UNC13C: variants seen among roughly 807,000 people sequenced by gnomAD.
UNC13C encodes protein unc-13 homolog C.
UNC13C carries 174 observed loss-of-function variants against 245.4 expected under a neutral mutation model. The observed-to-expected ratio is 0.71, with a 90% CI of 0.63 to 0.80. The LOEUF is 0.80. UNC13C is among the 30% of genes least tolerant of loss of function. The pLI, the probability that UNC13C is intolerant of heterozygous loss-of-function variation, is 0.00. For missense variants in UNC13C, 2,829 were observed against 2,602.9 expected (o/e 1.09, Z -1.89); for synonymous variants, 992 against 895.1 (o/e 1.11, Z -1.93).
At chr15:54,592,544 A>C (rs11071092) in intron 30 of UNC13C, among the ~76,000 whole-genome samples, 2 of 152,114 alleles carry the variant, frequency 1.3e-5, no homozygotes, top group South Asian at 2.1e-4. Flanking sequence ...TTACCATTCT[A>C]TACTGTCCCT....
chr15:54,559,801 C>T (rs377601097), intron 29 of UNC13C, among the ~76,000 whole-genome samples: 15 of 151,930 alleles, frequency 9.9e-5, no homozygotes, highest in Middle Eastern at 3.4e-3. Context: ...AGGCATTGGC[C>T]GGCATGAAAA....
At chr15:54,472,416 G>T (rs1412889108) in intron 19 of UNC13C, among the ~76,000 whole-genome samples, 1 of 151,580 alleles carries the variant, frequency 6.6e-6, no homozygotes, top group Non-Finnish European at 1.5e-5. Flanking sequence ...TAGTGTTTTG[G>T]ATTTGACTTT....
intron 19 of UNC13C, among the ~76,000 whole-genome samples, chr15:54,462,483 C>G (rs12592236): frequency 1.3e-5 from 2 of 151,866 alleles, no homozygotes; most frequent in African/African-American, 2.4e-5. Flanking sequence ...ACCGGGGCTA[C>G]GCACTGCACT....
chr15:54,355,546 CG>C (rs777117194), intron 17 of UNC13C, among the ~76,000 whole-genome samples: 32 of 151,856 alleles, frequency 2.1e-4, no homozygotes, highest in Admixed American at 1.0e-3. Context: ...TTAGTAGAGA[CG>C]GGGTTTCACC....
intron 25 of UNC13C, among the ~76,000 whole-genome samples, chr15:54,527,360 T>A (rs1449534789): frequency 1.3e-5 from 2 of 151,962 alleles, no homozygotes; most frequent in African/African-American, 2.4e-5. Context: ...AGAGGCAACA[T>A]TAGAGACTAT....
chr15:53,878,544 G>C, the UNC13C span, among the ~76,000 whole-genome samples: 1 of 152,142 alleles, frequency 6.6e-6, no homozygotes, highest in Non-Finnish European at 1.5e-5. Context: ...GGGCCTGGCT[G>C]GGGTTCCATT....
intron 10 of UNC13C, among the ~76,000 whole-genome samples, chr15:54,266,588 C>T (rs538358568): frequency 6.6e-6 from 1 of 152,102 alleles, no homozygotes; most frequent in East Asian, 1.9e-4. Context: ...AGACAAGATG[C>T]AGCTAGAGCT....
chr15:53,963,460 C>T, the UNC13C span, among the ~76,000 whole-genome samples: 1 of 152,120 alleles, frequency 6.6e-6, no homozygotes, highest in Non-Finnish European at 1.5e-5. Context: ...TCAGTTTCCT[C>T]ATTAGTAAAA....
intron 2 of UNC13C, among the ~76,000 whole-genome samples, chr15:54,130,538 C>T (rs2031350091): frequency 6.6e-6 from 1 of 151,968 alleles, no homozygotes; most frequent in South Asian, 2.1e-4. Context: ...GTGATCCACC[C>T]GCCTCGGCCT....
chr15:54,480,720 A>G lies in UNC13C; in HGVS notation c.4934-13888A>G, dbSNP rs1402723881. On this transcript the variant is annotated intron_variant, in intron 19 of 32. Coordinates refer to ENST00000260323, the MANE Select transcript of UNC13C (RefSeq NM_001080534.3). ...AAGTATTTCATATATTTCCTTTTCTATGAAATTTGTTACTAGAGAATTATC... is the reference window on the plus strand; with the variant it reads ...AAGTATTTCATATATTTCCTTTTCTGTGAAATTTGTTACTAGAGAATTATC... Among the ~76,000 whole-genome samples, 4 of 152,014 alleles carry G rather than the reference A, an allele frequency of 2.6e-5. No individual in the cohort carries two copies. In the East Asian group the frequency reaches 7.7e-4, roughly 29 times the overall value.
intron 4 of UNC13C, among the ~76,000 whole-genome samples, chr15:54,203,313 A>T (rs928446617): frequency 6.6e-6 from 1 of 151,756 alleles, no homozygotes; most frequent in African/African-American, 2.4e-5. Flanking sequence ...TGATCCAGCA[A>T]TCCCACTACT....
chr15:54,264,489 T>C, intron 9 of UNC13C, 94 bp downstream of exon 9: 1 of 1,010,186 alleles, frequency 9.9e-7, no homozygotes, highest in South Asian at 1.7e-5. Context: ...GTAAAATAAA[T>C]GGTTATTTTT....
At chr15:53,916,583 G>A in the UNC13C span, among the ~76,000 whole-genome samples, 4 of 152,162 alleles carry the variant, frequency 2.6e-5, no homozygotes, top group African/African-American at 7.2e-5. Context: ...TGCTTGCATC[G>A]TCGAGCACCT....
chr15:54,434,825 AATCT>A (rs1292110343), intron 19 of UNC13C, among the ~76,000 whole-genome samples: 1 of 152,184 alleles, frequency 6.6e-6, no homozygotes, highest in African/African-American at 2.4e-5. Flanking sequence ...AATTTTTTGC[AATCT>A]ATCCATCTGA....
chr15:53,966,159 T>A, the UNC13C span, among the ~76,000 whole-genome samples: 1 of 152,228 alleles, frequency 6.6e-6, no homozygotes, highest in Non-Finnish European at 1.5e-5. Context: ...CATATTCATG[T>A]GGCATAGTTG....
chr15:54,038,128 T>A (rs576400992), intron 2 of UNC13C, among the ~76,000 whole-genome samples: 147 of 93,228 alleles, frequency 1.6e-3, no homozygotes, highest in East Asian at 1.9e-3. Flanking sequence ...ATATATATTT[T>A]TTTTTTTTTT....
chr15:54,522,291 T>G (rs1895253292), intron 24 of UNC13C, among the ~76,000 whole-genome samples: 2 of 147,116 alleles, frequency 1.4e-5, no homozygotes, highest in Non-Finnish European at 3.0e-5. Flanking sequence ...GTCAACATGG[T>G]GAAACCCCAT....
At chr15:54,137,496 T>C (rs1439534401) in intron 2 of UNC13C, among the ~76,000 whole-genome samples, 1 of 152,232 alleles carries the variant, frequency 6.6e-6, no homozygotes, top group African/African-American at 2.4e-5. Flanking sequence ...TACTTCCATG[T>C]TGTTACTCAT....
the UNC13C span, among the ~76,000 whole-genome samples, chr15:53,942,316 A>G: frequency 6.6e-6 from 1 of 152,058 alleles, no homozygotes; most frequent in Non-Finnish European, 1.5e-5. Flanking sequence ...AAAACCAAAC[A>G]CCGCATGTTC....
Sources: gnomAD v4.1 joint callset for allele counts (sites outside exome capture counted in the v4.1 genomes callset) on GRCh38, gnomAD v4.1.1 for gene constraint, MANE v1.5 for transcripts, NCBI Gene and HGNC (gene_info 2026-07-23, HGNC 2026-07-21) for gene names.